Variants in DLAT observed in about 807,000 individuals in gnomAD.
DLAT encodes dihydrolipoyllysine-residue acetyltransferase component of pyruvate dehydrogenase complex, mitochondrial.
DLAT carries 43 observed loss-of-function variants against 68.0 expected under a neutral mutation model. That is an observed-to-expected ratio of 0.63 (90% CI 0.50 to 0.81). The LOEUF (loss-of-function observed/expected upper bound fraction) is 0.81, where lower values mean the gene tolerates loss of function less well. Ranked by LOEUF, DLAT falls within the 40% of genes least tolerant of loss-of-function variation. The pLI is 0.00. For synonymous variants in DLAT, 265 were observed against 288.6 expected (o/e 0.92, Z 0.83); for missense variants, 745 against 815.4 (o/e 0.91, Z 1.05).
intron 9 of DLAT, among the ~76,000 whole-genome samples, chr11:112,045,516 C>T (rs1357716139): frequency 6.6e-6 from 1 of 152,014 alleles, no homozygotes; most frequent in Non-Finnish European, 1.5e-5. Flanking sequence ...TGAAACACCC[C>T]GTCTCTACTA....
chr11:112,026,187 T>C lies in DLAT; in HGVS notation c.280-11T>C. On this transcript the variant is annotated splice_polypyrimidine_tract_variant and intron_variant, in intron 1 of 13. Coordinates refer to ENST00000280346, the MANE Select transcript of DLAT (RefSeq NM_001931.5). Reference sequence around the variant, plus strand: ...TTAAAAATTTTAATGTTTCTTCTTTTCCTTTTCCAGGTTCCATTGCCTTCT... The same window carrying C: ...TTAAAAATTTTAATGTTTCTTCTTTCCCTTTTCCAGGTTCCATTGCCTTCT... The C allele has an allele frequency of 6.2e-7, 1 of 1,602,264 alleles. No homozygotes were observed. The highest frequency in any genetic ancestry group is 1.3e-5 in the African/African-American group (1 of 74,824).
intron 10 of DLAT, 102 bp downstream of exon 10, chr11:112,046,072 T>C (rs1863300156): frequency 1.4e-6 from 1 of 698,398 alleles, no homozygotes; most frequent in Admixed American, 2.3e-5. Context: ...AATATATCAG[T>C]TGGTGGTTAC....
chr11:112,055,913 G>A (rs1187800976), intron 11 of DLAT, among the ~76,000 whole-genome samples: 2 of 110,510 alleles, frequency 1.8e-5, no homozygotes, highest in Non-Finnish European at 3.4e-5. Context: ...CTTTTGCCAG[G>A]CTGGAGTGCA....
In DLAT at chr11:112,026,301, TA is replaced by T. The variant is rs1566606564; in HGVS notation, c.381+4del. 1.4e-6 allele frequency: 2 copies of T among 1,394,472 alleles called. No homozygotes were observed. The highest frequency in any genetic ancestry group is 3.1e-5 in the South Asian group (2 of 63,786). 86.4% of individuals were successfully genotyped at this position (1,394,472 alleles called of 1,614,324 possible). A position where few individuals can be genotyped will look rare whatever the true frequency, so the allele number is the denominator to read the frequency against. On this transcript the variant is annotated splice_donor_region_variant and intron_variant, in intron 2 of 13. Coordinates refer to ENST00000280346, the MANE Select transcript of DLAT (RefSeq NM_001931.5). ...AATGAAGGTGACCTAATTGCAGAGG[TA>T]AGTTTTTTTTTTTTTTTTTAATTAA...
chr11:112,027,706 C>T (rs61897227), intron 2 of DLAT, among the ~76,000 whole-genome samples: 6 of 151,430 alleles, frequency 4.0e-5, no homozygotes, highest in South Asian at 2.1e-4. Context: ...GAGACCAGCC[C>T]GGCCAACACA....
intron 4 of DLAT, chr11:112,029,835 C>T (rs587612905): frequency 1.5e-5 from 9 of 592,496 alleles, no homozygotes; most frequent in Middle Eastern, 3.7e-4. Flanking sequence ...TTGGTCTGGA[C>T]TACATCTCCC....
chr11:112,026,321 T>TA (rs781886914), intron 2 of DLAT, 22 bp downstream of exon 2: 226 of 1,154,570 alleles, frequency 2.0e-4, no homozygotes, highest in African/African-American at 1.5e-3. Flanking sequence ...TTTTTTTTTT[T>TA]AATTAATTTA....
intron 12 of DLAT, 93 bp downstream of exon 12, chr11:112,060,158 ATTTTTT>A (rs782188808): frequency 2.0e-4 from 111 of 568,366 alleles, no homozygotes; most frequent in Middle Eastern, 5.4e-4. Flanking sequence ...CTGTCACGTA[ATTTTTT>A]TTTTTTTTTT....
chr11:112,035,043 T>C (rs781974058), intron 5 of DLAT, among the ~76,000 whole-genome samples: 7 of 152,320 alleles, frequency 4.6e-5, no homozygotes, highest in Non-Finnish European at 8.8e-5. Flanking sequence ...CCCAAAGTGC[T>C]GGGATTACAG....
At chr11:112,026,969 G>T (rs1201403722) in intron 2 of DLAT, among the ~76,000 whole-genome samples, 2 of 150,764 alleles carry the variant, frequency 1.3e-5, no homozygotes, top group African/African-American at 4.8e-5. Flanking sequence ...CCTCCCGGAC[G>T]GGGCGGCTGG....
intron 11 of DLAT, among the ~76,000 whole-genome samples, chr11:112,057,665 A>G (rs1555182721): frequency 2.0e-5 from 3 of 152,222 alleles, no homozygotes; most frequent in African/African-American, 4.8e-5. Flanking sequence ...GAAGCCGCGT[A>G]ACAGAAGTTT....
chr11:112,061,572 GT>G lies in DLAT; in HGVS notation c.1814+406del, dbSNP rs587621837. 79 of 195,150 alleles carry G rather than the reference GT, an allele frequency of 4.0e-4. 1 individual carries two copies. In the South Asian group the frequency reaches 6.2e-3, roughly 15 times the overall value. The allele number at this position is 195,150 out of a possible 1,614,324, so 12.1% of individuals were successfully genotyped here. On this transcript the variant is annotated intron_variant, in intron 13 of 13. Coordinates refer to ENST00000280346, the MANE Select transcript of DLAT (RefSeq NM_001931.5). ...ACCATACCTGTTTTTGAGTATCAGTGTTTTTTTTGTTTGTTTGTTTGAGATG... is the reference window on the plus strand; with the variant it reads ...ACCATACCTGTTTTTGAGTATCAGTGTTTTTTTGTTTGTTTGTTTGAGATG...
intron 11 of DLAT, among the ~76,000 whole-genome samples, chr11:112,055,607 A>G (rs1437027229): frequency 2.0e-5 from 3 of 151,984 alleles, no homozygotes; most frequent in Admixed American, 1.3e-4. Flanking sequence ...TGAGTTAGCC[A>G]CTGTTACTGA....
intron 6 of DLAT, 139 bp downstream of exon 6, chr11:112,037,599 G>C: frequency 1.1e-6 from 1 of 891,890 alleles, no homozygotes; most frequent in Non-Finnish European, 1.8e-6. Context: ...TAACATTTGT[G>C]GAGACCTATA....
intron 2 of DLAT, among the ~76,000 whole-genome samples, chr11:112,027,238 G>A (rs1385730957): frequency 6.6e-6 from 1 of 151,338 alleles, no homozygotes; most frequent in Non-Finnish European, 1.5e-5. Flanking sequence ...CGGCCGGGAA[G>A]AGACGCTCCT....
intron 10 of DLAT, among the ~76,000 whole-genome samples, chr11:112,049,852 C>CT (rs2137813314): frequency 6.6e-6 from 1 of 152,258 alleles, no homozygotes; most frequent in South Asian, 2.1e-4. Context: ...GATAATTTTA[C>CT]TTTTTTCATT....
chr11:112,046,217 T>C (rs782053685), intron 10 of DLAT, among the ~76,000 whole-genome samples: 1 of 152,208 alleles, frequency 6.6e-6, no homozygotes, highest in East Asian at 1.9e-4. Context: ...AGATTTATAC[T>C]TTTGTTTCCT....
intron 5 of DLAT, among the ~76,000 whole-genome samples, chr11:112,036,205 T>TG (rs1566617834): frequency 2.7e-5 from 1 of 36,924 alleles, no homozygotes; most frequent in African/African-American, 1.0e-4. Context: ...GTGTGTGTTT[T>TG]TTTTTTTTTT....
intron 10 of DLAT, among the ~76,000 whole-genome samples, chr11:112,048,809 C>T (rs369070480): frequency 6.6e-6 from 1 of 152,092 alleles, no homozygotes; most frequent in Non-Finnish European, 1.5e-5. Context: ...GCTGGAATTA[C>T]AGCCATGAGC....
Sources: allele counts gnomAD v4.1 joint callset (sites outside exome capture counted in the v4.1 genomes callset), GRCh38; gene constraint gnomAD v4.1.1; transcripts MANE v1.5; gene names NCBI Gene and HGNC (gene_info 2026-07-23, HGNC 2026-07-21).